ZFAT: variants seen among roughly 807,000 people sequenced by gnomAD.
The protein encoded by ZFAT is zinc finger and AT-hook domain containing.
ZFAT carries 64 observed loss-of-function variants against 117.7 expected under a neutral mutation model. The ratio of observed to expected loss-of-function variants is 0.54; its 90% CI spans 0.44 to 0.67. The LOEUF (loss-of-function observed/expected upper bound fraction) is 0.67. Among genes scored for constraint, ZFAT ranks in the 30% least tolerant of loss-of-function variants. ZFAT has a pLI of 0.00. For missense variants in ZFAT, 1,433 were observed against 1,584.5 expected (o/e 0.90, Z 1.62); for synonymous variants, 679 against 615.0 (o/e 1.10, Z -1.54).
chr8:134,593,765 T>C (rs1265716550), intron 7 of ZFAT, among the ~76,000 whole-genome samples: 1 of 152,216 alleles, frequency 6.6e-6, no homozygotes, highest in Non-Finnish European at 1.5e-5. Context: ...TTCTCAGGAA[T>C]AAAGGCCACA....
At chr8:134,732,128 T>C in the ZFAT span, among the ~76,000 whole-genome samples, 1 of 152,210 alleles carries the variant, frequency 6.6e-6, no homozygotes, top group African/African-American at 2.4e-5. Flanking sequence ...AAAAATAAAC[T>C]GTGAGCCCCA....
At chr8:134,509,912 T>C (rs1819689817) in intron 14 of ZFAT, 163 bp from the exon 15 acceptor site, 5 of 824,836 alleles carry the variant, frequency 6.1e-6, no homozygotes, top group Non-Finnish European at 9.3e-6. Context: ...TGTATAGTGC[T>C]TTATAGCTTA....
intron 11 of ZFAT, among the ~76,000 whole-genome samples, chr8:134,557,565 C>CT (rs1299043111): frequency 3.3e-5 from 5 of 152,176 alleles, no homozygotes; most frequent in African/African-American, 1.2e-4. Context: ...TAGAAACTCT[C>CT]TGTACTATAG....
chr8:134,828,137 C>A, the ZFAT span, among the ~76,000 whole-genome samples: 4 of 151,872 alleles, frequency 2.6e-5, no homozygotes, highest in Admixed American at 2.0e-4. Context: ...TGAGACAGTC[C>A]CTTGGGATTT....
At chr8:134,681,933 A>C (rs1045032380) in intron 1 of ZFAT, among the ~76,000 whole-genome samples, 1 of 152,228 alleles carries the variant, frequency 6.6e-6, no homozygotes, top group Non-Finnish European at 1.5e-5. Context: ...TCTTTTTTAT[A>C]TATTCAGGAA....
chr8:134,602,777 G>A lies in ZFAT; in HGVS notation c.942C>T (p.Leu314=). The part of the protein sequence containing the change: ...CSYASAIKAN[L]NVHLRKHTGE... ...CAGTGTGCTTGCGCAGGTGCACATT[G>A]AGGTTGGCCTTGATGGCACTGGCAT... The change falls in exon 6 of 16, where the codon CTC becomes CTT. Residue 314 remains leucine, a synonymous_variant. Transcript: ENST00000377838. The A allele has an allele frequency of 6.2e-7, 1 of 1,614,246 alleles. No individual in the cohort carries two copies. The highest frequency in any genetic ancestry group is 8.5e-7 in the Non-Finnish European group (1 of 1,180,050).
chr8:134,792,396 TTAAC>T, the ZFAT span: 1 of 152,190 alleles, frequency 6.6e-6, no homozygotes, highest in Non-Finnish European at 1.5e-5. Context: ...GTATTAGCCT[TTAAC>T]TATGCATTTT....
chr8:134,653,419 GTTTT>G (rs61711569), intron 2 of ZFAT, among the ~76,000 whole-genome samples: 1 of 51,336 alleles, frequency 1.9e-5, no homozygotes, highest in African/African-American at 8.6e-5. Context: ...CGTTTTATCT[GTTTT>G]TTTTTTTTTT....
chr8:134,504,977 G>A (rs1429076970), intron 15 of ZFAT, among the ~76,000 whole-genome samples: 1 of 152,098 alleles, frequency 6.6e-6, no homozygotes, highest in African/African-American at 2.4e-5. Context: ...AGGTACACGG[G>A]CCCCTGGTGC....
intron 15 of ZFAT, among the ~76,000 whole-genome samples, chr8:134,489,731 T>C (rs1302903577): frequency 6.6e-6 from 1 of 152,196 alleles, no homozygotes; most frequent in Non-Finnish European, 1.5e-5. Flanking sequence ...AACTCCCAAA[T>C]GTATGTCTAG....
intron 12 of ZFAT, among the ~76,000 whole-genome samples, chr8:134,525,973 A>T (rs1038296385): frequency 2.6e-5 from 4 of 152,186 alleles, no homozygotes; most frequent in African/African-American, 9.7e-5. Context: ...TGCTTTTTTA[A>T]ATCAGATAAA....
chr8:134,776,659 G>A, the ZFAT span, among the ~76,000 whole-genome samples: 1 of 152,192 alleles, frequency 6.6e-6, no homozygotes, highest in Admixed American at 6.5e-5. Context: ...TAGCAGTTAC[G>A]TACGAAGCCA....
At chr8:134,493,689 C>T (rs561355808) in intron 15 of ZFAT, among the ~76,000 whole-genome samples, 3 of 152,318 alleles carry the variant, frequency 2.0e-5, no homozygotes, top group African/African-American at 7.2e-5. Context: ...GCACGGCACT[C>T]ATGACTGCTT....
intron 1 of ZFAT, among the ~76,000 whole-genome samples, chr8:134,682,195 A>G (rs1297394757): frequency 6.6e-6 from 1 of 152,216 alleles, no homozygotes; most frequent in Non-Finnish European, 1.5e-5. Flanking sequence ...AATCCTGTGA[A>G]ATAGGTTTTA....
chr8:134,823,903 G>A, the ZFAT span, among the ~76,000 whole-genome samples: 1 of 152,100 alleles, frequency 6.6e-6, no homozygotes, highest in Non-Finnish European at 1.5e-5. Flanking sequence ...CATAATGTCG[G>A]ACACTGTCAC....
At chr8:134,733,189 T>G in the ZFAT span, among the ~76,000 whole-genome samples, 69,158 of 152,008 alleles carry the variant, frequency 0.45, 16,444 homozygotes, top group African/African-American at 0.61. Flanking sequence ...TGGATTTCTG[T>G]CTTCATGCAA....
intron 1 of ZFAT, among the ~76,000 whole-genome samples, chr8:134,709,854 AGAC>A (rs1344113193): frequency 1.3e-5 from 2 of 152,184 alleles, no homozygotes; most frequent in Non-Finnish European, 2.9e-5. Flanking sequence ...CACTGCGGTA[AGAC>A]GGCTCCAATT....
At chr8:134,657,869 G>T in intron 1 of ZFAT, 132 bp from the exon 2 acceptor site, 1 of 966,044 alleles carries the variant, frequency 1.0e-6, no homozygotes, top group Non-Finnish European at 1.5e-6. Context: ...TGTCTCTCTG[G>T]CAGTCACCTC....
At chr8:134,524,735 G>A (rs1239960711) in intron 12 of ZFAT, among the ~76,000 whole-genome samples, 2 of 152,182 alleles carry the variant, frequency 1.3e-5, no homozygotes, top group South Asian at 2.1e-4. Flanking sequence ...ATAGCATGCT[G>A]CTTCCTGCAC....
Sources: allele counts gnomAD v4.1 joint callset (sites outside exome capture counted in the v4.1 genomes callset), GRCh38; gene constraint gnomAD v4.1.1; transcripts MANE v1.5; gene names NCBI Gene and HGNC (gene_info 2026-07-23, HGNC 2026-07-21).